Variants in ANAPC4 observed in about 807,000 individuals in gnomAD.
ANAPC4 encodes anaphase-promoting complex subunit 4.
In ANAPC4, 63 loss-of-function variants were observed where a neutral mutation model predicts 119.8. The ratio of observed to expected loss-of-function variants is 0.53; its 90% confidence interval spans 0.43 to 0.65. The LOEUF (loss-of-function observed/expected upper bound fraction) is 0.65, where lower values mean the gene tolerates loss of function less well. ANAPC4 is among the 30% of genes least tolerant of loss of function. ANAPC4 has a pLI of 0.00. For missense variants in ANAPC4, 716 were observed against 945.1 expected (o/e 0.76, Z 3.18); for synonymous variants, 283 against 318.6 (o/e 0.89, Z 1.19).
At chr4:25,387,604 G>A (rs777577996) in intron 4 of ANAPC4, among the ~76,000 whole-genome samples, 6 of 152,216 alleles carry the variant, frequency 3.9e-5, no homozygotes, top group Non-Finnish European at 7.3e-5. Flanking sequence ...CAGTTTAGAA[G>A]TGTTATGTGG....
intron 21 of ANAPC4, among the ~76,000 whole-genome samples, chr4:25,412,063 C>G (rs558088707): frequency 6.6e-6 from 1 of 152,148 alleles, no homozygotes; most frequent in Non-Finnish European, 1.5e-5. Context: ...TTCCCAGAAC[C>G]TTCCTCCCTT....
chr4:25,390,328 G>T, intron 8 of ANAPC4, 108 bp downstream of exon 8: 7 of 695,270 alleles, frequency 1.0e-5, no homozygotes, highest in South Asian at 5.0e-5. Flanking sequence ...TTCGATTTTT[G>T]GAATTATTCT....
chr4:25,403,193 G>A (rs1027531073), intron 17 of ANAPC4, among the ~76,000 whole-genome samples, 167 bp downstream of exon 17: 1 of 151,726 alleles, frequency 6.6e-6, no homozygotes, highest in Admixed American at 6.6e-5. Context: ...TCAACACATG[G>A]GCAGTCTTAC....
Position 25,380,308 on chromosome 4 carries a change from TC to T in ANAPC4, c.130-65del, listed in dbSNP as rs767885558. 222 of 1,311,854 alleles carry T rather than the reference TC, an allele frequency of 1.7e-4. No individual in the cohort carries two copies. The Middle Eastern group carries it at 4.3e-3, about 25-fold the overall frequency. 81.3% of individuals were successfully genotyped at this position (1,311,854 alleles called of 1,614,324 possible). On this transcript the variant is annotated intron_variant, in intron 2 of 28. Coordinates refer to ENST00000315368, the MANE Select transcript of ANAPC4 (RefSeq NM_013367.3). ...CATTTAAAAAAATTTTTAGTAGGGA[TC>T]TAGGTTTATTTTATTTTTGGAAATG...
intron 25 of ANAPC4, among the ~76,000 whole-genome samples, chr4:25,414,967 T>C (rs1282559862): frequency 6.6e-6 from 1 of 152,134 alleles, no homozygotes; most frequent in Non-Finnish European, 1.5e-5. Flanking sequence ...CAGGATATTA[T>C]ACTTCATTTT....
intron 28 of ANAPC4, 53 bp from the exon 29 acceptor site, chr4:25,418,102 A>T: frequency 6.9e-7 from 1 of 1,459,156 alleles, no homozygotes; most frequent in African/African-American, 1.4e-5. Context: ...CTAATTCTTT[A>T]TATATGATAA....
intron 7 of ANAPC4, among the ~76,000 whole-genome samples, chr4:25,389,701 A>C (rs1384496996): frequency 1.3e-5 from 2 of 152,186 alleles, no homozygotes; most frequent in African/African-American, 4.8e-5. Context: ...TATGATGTAC[A>C]TATGTTTATT....
At chr4:25,418,061 A>T in intron 28 of ANAPC4, 94 bp from the exon 29 acceptor site, 1 of 1,217,152 alleles carries the variant, frequency 8.2e-7, no homozygotes, top group Non-Finnish European at 1.2e-6. Context: ...ACTTTCCTAT[A>T]AAACCATTCT....
At chr4:25,392,641 T>G (rs919030279) in intron 10 of ANAPC4, among the ~76,000 whole-genome samples, 3 of 152,190 alleles carry the variant, frequency 2.0e-5, no homozygotes, top group Admixed American at 2.0e-4. Flanking sequence ...TTTAAATCTT[T>G]TAAAATACTC....
intron 25 of ANAPC4, 37 bp from the exon 26 acceptor site, chr4:25,415,429 C>T: frequency 6.5e-7 from 1 of 1,529,120 alleles, no homozygotes; most frequent in Non-Finnish European, 9.0e-7. Context: ...CCAGGTTGTT[C>T]CACAGAGTCT....
In ANAPC4 at chr4:25,418,148, T is replaced by A; in HGVS notation, c.2200-7T>A. 1 of 1,607,032 alleles carries A rather than the reference T, an allele frequency of 6.2e-7. No homozygotes were observed. Among genetic ancestry groups the A allele is most frequent in the Non-Finnish European group, 8.5e-7 (1 of 1,177,330 alleles). On this transcript the variant is annotated splice_region_variant and splice_polypyrimidine_tract_variant and intron_variant, in intron 28 of 28. Transcript: ENST00000315368. The stretch of plus-strand genomic sequence containing the variant: ...TAAAAATGCTTTTATGGCCTTTTCT[T>A]TTTTAGTTAAGCTCAAATCTTCGTC...
intron 2 of ANAPC4, 84 bp downstream of exon 2, chr4:25,377,640 G>A (rs1182532369): frequency 6.5e-5 from 97 of 1,499,498 alleles, no homozygotes; most frequent in Non-Finnish European, 8.2e-5. Context: ...GTTCATTCGG[G>A]CCACAGGCGG....
chr4:25,384,439 C>A (rs1301845424), intron 4 of ANAPC4, among the ~76,000 whole-genome samples: 1 of 152,200 alleles, frequency 6.6e-6, no homozygotes, highest in East Asian at 1.9e-4. Flanking sequence ...AATGGTGAAT[C>A]CTTTCTAGAA....
At chr4:25,394,974 G>GCCTTTTCT in intron 14 of ANAPC4, 69 bp downstream of exon 14, 2 of 1,195,112 alleles carry the variant, frequency 1.7e-6, no homozygotes, top group Non-Finnish European at 1.2e-6. Context: ...TCTTTCCGCC[G>GCCTTTTCT]CCTTTTCTTC....
In ANAPC4 at chr4:25,388,753, G is replaced by A. The variant is rs576432227; in HGVS notation, c.470+10G>A. 21 of 1,608,046 alleles carry A rather than the reference G, an allele frequency of 1.3e-5. No homozygotes were observed. Among genetic ancestry groups the A allele is most frequent in the African/African-American group, 4.0e-5 (3 of 74,630 alleles). ...CCTCAAAAATATTTAGGTAAGATAC[G>A]CCTTTTCTTGTTTTCAAGTAAGATA... is the stretch of plus-strand genomic sequence containing the variant. On this transcript the variant is annotated intron_variant, in intron 6 of 28. Coordinates refer to ENST00000315368, the MANE Select transcript of ANAPC4 (RefSeq NM_013367.3).
In ANAPC4 at chr4:25,394,913, G is replaced by A. The variant is rs1211688069; in HGVS notation, c.1061+8G>A. Reference sequence around the variant, plus strand: ...CATAAGTCATTTACAGAGGTATGAAGGTGACGTAGAATTTTTTGGTATTGT... The same window carrying A: ...CATAAGTCATTTACAGAGGTATGAAAGTGACGTAGAATTTTTTGGTATTGT... On this transcript the variant is annotated splice_region_variant and intron_variant, in intron 14 of 28. Transcript: ENST00000315368. 6.2e-7 allele frequency: 1 copy of A among 1,608,526 alleles called. No homozygotes were observed. Among genetic ancestry groups the A allele is most frequent in the Admixed American group, 1.7e-5 (1 of 59,178 alleles).
chr4:25,406,952 A>G, intron 19 of ANAPC4, 67 bp downstream of exon 19: 2 of 1,264,740 alleles, frequency 1.6e-6, no homozygotes, highest in Middle Eastern at 2.0e-4. Flanking sequence ...TAATGACAAG[A>G]CATAATTAAA....
At chr4:25,401,735 T>G (rs975617542) in intron 16 of ANAPC4, among the ~76,000 whole-genome samples, 2 of 152,194 alleles carry the variant, frequency 1.3e-5, no homozygotes, top group African/African-American at 4.8e-5. Context: ...TTTCTATTGT[T>G]CTTTTTGTTT....
intron 20 of ANAPC4, among the ~76,000 whole-genome samples, chr4:25,409,192 A>G (rs1723433287): frequency 6.6e-6 from 1 of 152,224 alleles, no homozygotes; most frequent in Non-Finnish European, 1.5e-5. Context: ...TCACTTGAAG[A>G]ACAACTGCCA....
Sources: allele counts gnomAD v4.1 joint callset (sites outside exome capture counted in the v4.1 genomes callset), GRCh38; gene constraint gnomAD v4.1.1; transcripts MANE v1.5; gene names NCBI Gene and HGNC (gene_info 2026-07-23, HGNC 2026-07-21).